The following GC variants were observed in gnomAD, a reference collection of about 807,000 sequenced individuals.
The protein encoded by GC is vitamin D-binding protein.
Under a neutral mutation model 56.7 loss-of-function variants are expected in GC, and 43 were observed. The ratio of observed to expected loss-of-function variants is 0.76; its 90% confidence interval spans 0.59 to 0.98. The LOEUF (loss-of-function observed/expected upper bound fraction) is 0.98. GC is among the 50% of genes least tolerant of loss of function. The pLI, the probability that GC is intolerant of heterozygous loss-of-function variation, is 0.00. For missense variants in GC, 529 were observed against 545.9 expected, an observed-to-expected ratio of 0.97 and a Z score of 0.31; for synonymous variants, 216 against 202.7, an observed-to-expected ratio of 1.07 and a Z score of -0.56.
At position 71,800,080 on chromosome 4, in the gene GC, T is replaced by A. The variant is rs4694434; in HGVS notation, c.21+3846A>T. On this transcript the variant is annotated intron_variant, in intron 1 of 13. Transcript: ENST00000504199. Reference sequence around the variant, plus strand: ...ACACTTCACTTCCTTTTTTTTTTTTTAATTTTACTTTAATGTCTGGGATAC... The same window carrying A: ...ACACTTCACTTCCTTTTTTTTTTTTAAATTTTACTTTAATGTCTGGGATAC... 7.0e-4 allele frequency among the ~76,000 whole-genome samples: 100 copies of A among 142,430 alleles called. 1 individual carries two copies. The highest frequency in any genetic ancestry group is 7.5e-4 in the Non-Finnish European group (48 of 64,190). 93.4% of individuals were successfully genotyped at this position (142,430 alleles called of 152,430 possible).
intron 8 of GC, 126 bp downstream of exon 8, chr4:71,756,586 A>G (rs968577213): frequency 3.1e-6 from 2 of 646,602 alleles, no homozygotes; most frequent in Non-Finnish European, 5.6e-6. Context: ...CATGAAAAGC[A>G]TAAAGGTAGT....
chr4:71,765,753 C>T (rs1195474792), intron 3 of GC, 110 bp from the exon 4 acceptor site: 2 of 689,446 alleles, frequency 2.9e-6, no homozygotes, highest in Admixed American at 5.6e-5. Context: ...TCATTTATAA[C>T]TATGTATTCA....
chr4:71,746,002 A>G, intron 12 of GC, 149 bp downstream of exon 12: 1 of 522,124 alleles, frequency 1.9e-6, no homozygotes, highest in East Asian at 3.2e-5. Flanking sequence ...AAGCTCTTTA[A>G]CTTTTCTCGG....
intron 10 of GC, among the ~76,000 whole-genome samples, chr4:71,753,236 C>T (rs1049700285): frequency 6.6e-6 from 1 of 152,030 alleles, no homozygotes; most frequent in African/African-American, 2.4e-5. Flanking sequence ...ATGATCTCGG[C>T]GTCTCTCCAC....
chr4:71,772,080 A>G (rs1236002174), intron 1 of GC, among the ~76,000 whole-genome samples: 2 of 152,158 alleles, frequency 1.3e-5, no homozygotes, highest in Non-Finnish European at 2.9e-5. Context: ...ATAGATTTAA[A>G]TAACCATATA....
chr4:71,757,998 C>A, intron 7 of GC, 44 bp downstream of exon 7: 1 of 1,585,124 alleles, frequency 6.3e-7, no homozygotes, highest in South Asian at 1.1e-5. Context: ...ACTTGGCACT[C>A]AATACCTGGC....
At chr4:71,761,007 C>G (rs911001414) in intron 6 of GC, among the ~76,000 whole-genome samples, 1 of 152,132 alleles carries the variant, frequency 6.6e-6, no homozygotes, top group African/African-American at 2.4e-5. Context: ...TGCGGTGCTG[C>G]TGAAAAGATA....
chr4:71,777,114 T>C (rs952127274), intron 1 of GC, among the ~76,000 whole-genome samples: 1 of 151,432 alleles, frequency 6.6e-6, no homozygotes, highest in Non-Finnish European at 1.5e-5. Flanking sequence ...ATTTTTAGTA[T>C]GGCCAAAAGA....
intron 1 of GC, among the ~76,000 whole-genome samples, chr4:71,800,185 G>T (rs1743216118): frequency 2.0e-5 from 3 of 151,826 alleles, no homozygotes. Flanking sequence ...CGCCTTCTAG[G>T]TATTAAGCCC....
upstream of GC, among the ~76,000 whole-genome samples, chr4:71,804,713 T>C (rs985647648): frequency 6.6e-5 from 10 of 152,254 alleles, no homozygotes; most frequent in African/African-American, 2.4e-4. Flanking sequence ...GTGTCGAAAG[T>C]AATGGGTTCA....
intron 1 of GC, among the ~76,000 whole-genome samples, chr4:71,792,083 G>T (rs150705582): frequency 6.6e-6 from 1 of 152,152 alleles, no homozygotes; most frequent in African/African-American, 2.4e-5. Context: ...CATTTGGGAT[G>T]GTTCCAAGTC....
intron 1 of GC, among the ~76,000 whole-genome samples, chr4:71,801,211 T>C (rs1191884956): frequency 1.3e-5 from 2 of 152,120 alleles, no homozygotes; most frequent in Admixed American, 1.3e-4. Context: ...ACAAATCCAA[T>C]AGGCACATGG....
chr4:71,745,914 G>A (rs1741348774), intron 12 of GC, among the ~76,000 whole-genome samples: 1 of 151,850 alleles, frequency 6.6e-6, no homozygotes, highest in Admixed American at 6.6e-5. Flanking sequence ...TATGATGGAT[G>A]AAGCACAAGG....
chr4:71,786,487 T>C (rs1742841314), upstream of GC, among the ~76,000 whole-genome samples: 1 of 151,810 alleles, frequency 6.6e-6, no homozygotes, highest in African/African-American at 2.4e-5. Context: ...TATATATATT[T>C]AACAAGAATT....
chr4:71,760,852 T>C (rs1005965115), intron 6 of GC, among the ~76,000 whole-genome samples: 3 of 152,182 alleles, frequency 2.0e-5, no homozygotes, highest in Non-Finnish European at 4.4e-5. Context: ...TGCTCCTCCT[T>C]GCCTTCCACC....
rs575933490 is a variant in GC at position 71,792,580 on chromosome 4, C to T, written c.22-8526G>A. 2.0e-5 allele frequency among the ~76,000 whole-genome samples: 3 copies of T among 151,990 alleles called. No homozygotes were observed. The South Asian group carries it at 6.2e-4, about 32-fold the overall frequency. ...ATATTAGCCCTTTGTCAGATGGGTA[C>T]ATTGCAAAAATTTTCTCCCATTCTT... On this transcript the variant is annotated intron_variant, in intron 1 of 13. Transcript: ENST00000504199.
intron 11 of GC, among the ~76,000 whole-genome samples, chr4:71,750,027 C>CAATAAAATAAAACAAAACAAAACAT (rs1451203499): frequency 6.6e-6 from 1 of 151,896 alleles, no homozygotes; most frequent in Non-Finnish European, 1.5e-5. Context: ...AGGCACTGTA[C>CAATAAAATAAAACAAAACAAAACAT]AATAAAATAA....
chr4:71,792,167 T>C (rs1742986581), intron 1 of GC, among the ~76,000 whole-genome samples: 1 of 152,218 alleles, frequency 6.6e-6, no homozygotes, highest in Non-Finnish European at 1.5e-5. Flanking sequence ...TTATAATCCT[T>C]TGGGTATATA....
At chr4:71,784,090 A>T, upstream of GC, 4 of 1,545,382 alleles carry the variant, frequency 2.6e-6, no homozygotes, top group Non-Finnish European at 3.5e-6. Context: ...AGCCAAAAGT[A>T]ATTGGTTTCC....
Sources: allele counts gnomAD v4.1 joint callset (sites outside exome capture counted in the v4.1 genomes callset), GRCh38; gene constraint gnomAD v4.1.1; transcripts MANE v1.5; gene names NCBI Gene and HGNC (gene_info 2026-07-23, HGNC 2026-07-21).